The following NKAIN2 variants were observed in gnomAD, a reference collection of about 807,000 sequenced individuals.
NKAIN2 encodes the protein sodium/potassium-transporting ATPase subunit beta-1-interacting protein 2.
Under a neutral mutation model 32.6 loss-of-function variants are expected in NKAIN2, and 14 were observed. That is an observed-to-expected ratio of 0.43 (90% CI 0.28 to 0.67). The LOEUF (loss-of-function observed/expected upper bound fraction) is 0.67, where lower values mean the gene tolerates loss of function less well. NKAIN2 is among the 30% of genes least tolerant of loss of function. The pLI is 0.17. For synonymous variants in NKAIN2, 80 were observed against 87.2 expected (o/e 0.92, Z 0.46); for missense variants, 198 against 258.3 (o/e 0.77, Z 1.60).
At chr6:124,508,589 C>A (rs187692199) in intron 3 of NKAIN2, among the ~76,000 whole-genome samples, 2 of 151,906 alleles carry the variant, frequency 1.3e-5, no homozygotes, top group South Asian at 2.1e-4. Context: ...GTGATCTGCC[C>A]GCCTCGGCCT....
chr6:124,010,562 G>C (rs1158119578), intron 1 of NKAIN2, among the ~76,000 whole-genome samples: 2 of 150,040 alleles, frequency 1.3e-5, no homozygotes, highest in African/African-American at 4.9e-5. Flanking sequence ...TCATAGCTAG[G>C]AGTGTGACCT....
chr6:124,328,568 C>T (rs1235760822), intron 2 of NKAIN2, among the ~76,000 whole-genome samples: 2 of 152,114 alleles, frequency 1.3e-5, no homozygotes, highest in Admixed American at 6.5e-5. Flanking sequence ...GCTGTGCTCT[C>T]AAGAACAAAA....
At chr6:124,626,832 G>C (rs1353582619) in intron 3 of NKAIN2, among the ~76,000 whole-genome samples, 1 of 152,134 alleles carries the variant, frequency 6.6e-6, no homozygotes, top group Non-Finnish European at 1.5e-5. Context: ...CAAGACCTAT[G>C]TTCTTATTCA....
At chr6:124,532,017 G>A (rs1468443277) in intron 3 of NKAIN2, among the ~76,000 whole-genome samples, 1 of 152,176 alleles carries the variant, frequency 6.6e-6, no homozygotes, top group Non-Finnish European at 1.5e-5. Context: ...CAGGAGTGCA[G>A]GGCTCAGTCT....
At chr6:124,277,339 T>A (rs1795079131) in intron 1 of NKAIN2, among the ~76,000 whole-genome samples, 1 of 152,064 alleles carries the variant, frequency 6.6e-6, no homozygotes, top group African/African-American at 2.4e-5. Context: ...TACCTACAGA[T>A]GAAATAAGAC....
chr6:124,161,974 A>G (rs549599997), intron 1 of NKAIN2, among the ~76,000 whole-genome samples: 1 of 152,298 alleles, frequency 6.6e-6, no homozygotes, highest in Non-Finnish European at 1.5e-5. Flanking sequence ...ATAAAATAAA[A>G]TAATGAAAAA....
At chr6:124,762,522 A>G (rs1778318970) in intron 4 of NKAIN2, among the ~76,000 whole-genome samples, 1 of 152,214 alleles carries the variant, frequency 6.6e-6, no homozygotes, top group South Asian at 2.1e-4. Flanking sequence ...AAAGTATAGA[A>G]TTCAAAGTAA....
At chr6:123,906,582 C>T (rs919212541) in intron 1 of NKAIN2, among the ~76,000 whole-genome samples, 1 of 152,188 alleles carries the variant, frequency 6.6e-6, no homozygotes, top group Admixed American at 6.5e-5. Flanking sequence ...CATGAGCCAC[C>T]ATGCCCAGCC....
chr6:124,356,617 G>A (rs1798992946), intron 3 of NKAIN2, among the ~76,000 whole-genome samples: 1 of 152,136 alleles, frequency 6.6e-6, no homozygotes, highest in Non-Finnish European at 1.5e-5. Flanking sequence ...TTAGCAGGCA[G>A]CCTTTTCAGG....
intron 1 of NKAIN2, among the ~76,000 whole-genome samples, chr6:124,128,302 A>G (rs972385017): frequency 4.1e-4 from 63 of 152,224 alleles, no homozygotes; most frequent in African/African-American, 1.5e-3. Flanking sequence ...TCTATAATAT[A>G]GATAGCTATT....
intron 1 of NKAIN2, among the ~76,000 whole-genome samples, chr6:124,133,720 A>G (rs1328320778): frequency 6.6e-6 from 1 of 152,218 alleles, no homozygotes; most frequent in Non-Finnish European, 1.5e-5. Context: ...TAACTGCTAC[A>G]AGTAGCATCA....
intron 1 of NKAIN2, among the ~76,000 whole-genome samples, chr6:124,030,803 G>A (rs1006076873): frequency 2.6e-4 from 40 of 152,132 alleles, no homozygotes; most frequent in Non-Finnish European, 5.7e-4. Context: ...ATAAATCTTC[G>A]TTAAACTGAA....
At chr6:123,865,859 A>T (rs1423056660) in intron 1 of NKAIN2, among the ~76,000 whole-genome samples, 1 of 152,216 alleles carries the variant, frequency 6.6e-6, no homozygotes. Flanking sequence ...AAAAAGACAG[A>T]GTGTGCAAAT....
At chr6:124,142,422 A>G (rs1787190660) in intron 1 of NKAIN2, among the ~76,000 whole-genome samples, 1 of 152,234 alleles carries the variant, frequency 6.6e-6, no homozygotes, top group Admixed American at 6.5e-5. Context: ...AAAGCATTCA[A>G]GAATATTTGT....
At chr6:123,905,901 G>C (rs1424675225) in intron 1 of NKAIN2, among the ~76,000 whole-genome samples, 2 of 152,082 alleles carry the variant, frequency 1.3e-5, no homozygotes, top group East Asian at 3.9e-4. Context: ...TATGTATTTT[G>C]ACATAATAGT....
chr6:124,689,512 G>A (rs149454083), intron 4 of NKAIN2, among the ~76,000 whole-genome samples: 68 of 152,202 alleles, frequency 4.5e-4, no homozygotes, highest in African/African-American at 1.6e-3. Flanking sequence ...CAAAGACAGT[G>A]TCATGTCTAA....
At chr6:124,755,570 T>C (rs1284048164) in intron 4 of NKAIN2, among the ~76,000 whole-genome samples, 1 of 152,162 alleles carries the variant, frequency 6.6e-6, no homozygotes, top group African/African-American at 2.4e-5. Context: ...GGGACATGGA[T>C]GGAGCTGGAG....
intron 1 of NKAIN2, among the ~76,000 whole-genome samples, chr6:124,094,614 T>C (rs7761219): frequency 0.02 from 3,065 of 152,232 alleles, 110 homozygotes; most frequent in African/African-American, 0.07. Context: ...CTAGAGCTTG[T>C]TTCCACTCAC....
intron 1 of NKAIN2, among the ~76,000 whole-genome samples, chr6:123,973,164 T>G (rs1291989925): frequency 6.6e-6 from 1 of 152,090 alleles, no homozygotes; most frequent in African/African-American, 2.4e-5. Context: ...CTCTCCCTAA[T>G]ATATCATTCC....
Sources: allele counts gnomAD v4.1 joint callset (sites outside exome capture counted in the v4.1 genomes callset), GRCh38; gene constraint gnomAD v4.1.1; transcripts MANE v1.5; gene names NCBI Gene and HGNC (gene_info 2026-07-23, HGNC 2026-07-21).